Variants in GUCA1C observed in about 807,000 individuals in gnomAD.
GUCA1C encodes guanylate cyclase activator 1C, also known as guanylyl cyclase-activating protein 3.
Under a neutral mutation model 16.2 loss-of-function variants are expected in GUCA1C, and 15 were observed. That is an observed-to-expected ratio of 0.93 (90% CI 0.62 to 1.43). The LOEUF (loss-of-function observed/expected upper bound fraction) is 1.43, where lower values mean the gene tolerates loss of function less well. Ranked by LOEUF, GUCA1C falls within the 40% of genes most tolerant of loss-of-function variation. The pLI is 0.00. For synonymous variants in GUCA1C, 78 were observed against 85.4 expected (o/e 0.91, Z 0.48); for missense variants, 275 against 244.8 (o/e 1.12, Z -0.82).
At chr3:108,954,740 T>C (rs1181054426), upstream of GUCA1C, among the ~76,000 whole-genome samples, 2 of 148,996 alleles carry the variant, frequency 1.3e-5, no homozygotes, top group African/African-American at 2.5e-5. Flanking sequence ...TTCTCCTTTT[T>C]TTTTTTTTTT....
intron 1 of GUCA1C, among the ~76,000 whole-genome samples, chr3:108,934,985 T>G (rs113872281): frequency 0.24 from 36,007 of 151,418 alleles, 4,990 homozygotes; most frequent in East Asian, 0.66. Context: ...GGCTAATTTT[T>G]TGTATTTTTA....
At position 108,953,809 on chromosome 3, in the gene GUCA1C, T is replaced by C; in HGVS notation, c.-47A>G. 7.1e-7 allele frequency: 1 copy of C among 1,415,740 alleles called. No individual in the cohort carries two copies. Among genetic ancestry groups the C allele is most frequent in the South Asian group, 1.2e-5 (1 of 86,822 alleles). 87.7% of individuals were successfully genotyped at this position (1,415,740 alleles called of 1,614,324 possible). A position where few individuals can be genotyped will look rare whatever the true frequency, so the allele number is the denominator to read the frequency against. On this transcript the variant is annotated 5_prime_UTR_variant, in exon 1 of 4. Coordinates refer to ENST00000261047, the MANE Select transcript of GUCA1C (RefSeq NM_005459.4). ...TTTCCTCAGGTTGTTTTCACTTAAG[T>C]TTTTGCTGGATTTAGTCCCTTACTC...
chr3:108,948,031 A>C (rs1946859725), intron 1 of GUCA1C, among the ~76,000 whole-genome samples: 1 of 152,096 alleles, frequency 6.6e-6, no homozygotes, highest in Non-Finnish European at 1.5e-5. Flanking sequence ...GGCTTTCTGC[A>C]TATAGCTGTT....
chr3:108,916,483 T>C (rs763163756), intron 2 of GUCA1C, among the ~76,000 whole-genome samples: 3 of 152,196 alleles, frequency 2.0e-5, no homozygotes, highest in Non-Finnish European at 4.4e-5. Context: ...ACAGATGCAA[T>C]GAGCCCATTG....
At chr3:108,934,893 A>G (rs1946708046) in intron 1 of GUCA1C, among the ~76,000 whole-genome samples, 2 of 132,766 alleles carry the variant, frequency 1.5e-5, no homozygotes, top group South Asian at 4.9e-4. Context: ...AGCTCACTGC[A>G]AGCTCCGCCT....
chr3:108,953,643 A>C lies in GUCA1C; in HGVS notation c.120T>G (p.Phe40Leu), dbSNP rs142726677. 1 of 1,613,008 alleles carries C rather than the reference A, an allele frequency of 6.2e-7. No individual in the cohort carries two copies. The highest frequency in any genetic ancestry group is 1.3e-5 in the African/African-American group (1 of 74,916). The change falls in exon 1 of 4, where the codon TTT becomes TTG. Residue 40 changes from phenylalanine to leucine, a missense_variant. Coordinates refer to ENST00000261047, the MANE Select transcript of GUCA1C (RefSeq NM_005459.4). ...GACCTTGCAGACCCAAAAGTGTCTT[A>C]AATTCATGTAGTGTTTGCAGGCCGG... is the stretch of plus-strand genomic sequence containing the variant. ...YPSGLQTLHE[F>L]KTLLGLQGLN... is the part of the protein sequence containing the mutation.
In GUCA1C at chr3:108,953,747, A is replaced by T. The variant is rs369360639; in HGVS notation, c.16T>A (p.Ser6Thr). MGNGK[S>T]IAGDQKAVPT... ...ACTGCTTTCTGATCACCAGCTATAG[A>T]TTTGCCATTCCCCATCTTGACTCAC... Residue 6 changes from serine to threonine, a missense_variant, in exon 1 of 4, where the codon TCT becomes ACT. Ser to Thr is a moderately conservative substitution (Grantham distance 58, BLOSUM62 1). Coordinates refer to ENST00000261047, the MANE Select transcript of GUCA1C (RefSeq NM_005459.4). 3 of 1,612,372 alleles carry T rather than the reference A, an allele frequency of 1.9e-6. No homozygotes were observed. In the African/African-American group the frequency reaches 4.0e-5, roughly 22 times the overall value.
intron 1 of GUCA1C, among the ~76,000 whole-genome samples, chr3:108,922,842 G>T (rs1946582752): frequency 1.3e-5 from 2 of 151,996 alleles, no homozygotes; most frequent in Admixed American, 1.3e-4. Context: ...CCGCCGACAG[G>T]CCCCTCCCTG....
At chr3:108,929,663 C>G (rs1946650185) in intron 1 of GUCA1C, among the ~76,000 whole-genome samples, 1 of 151,964 alleles carries the variant, frequency 6.6e-6, no homozygotes, top group Admixed American at 6.6e-5. Context: ...GCCAAAGAAA[C>G]AAACATAAAA....
intron 2 of GUCA1C, 42 bp downstream of exon 2, chr3:108,920,394 C>T (rs1946557381): frequency 6.6e-7 from 1 of 1,520,414 alleles, no homozygotes; most frequent in Admixed American, 1.7e-5. Context: ...ATTGGGTTAA[C>T]TATATAGCGG....
intron 3 of GUCA1C, among the ~76,000 whole-genome samples, chr3:108,914,584 C>T (rs1946487722): frequency 6.6e-6 from 1 of 152,132 alleles, no homozygotes; most frequent in South Asian, 2.1e-4. Context: ...CTGTATAAAC[C>T]AAGTCTTAAA....
intron 1 of GUCA1C, among the ~76,000 whole-genome samples, chr3:108,921,799 A>G (rs1946571547): frequency 6.6e-6 from 1 of 151,716 alleles, no homozygotes; most frequent in South Asian, 2.1e-4. Flanking sequence ...TTTTTATTTC[A>G]ATAGGTTTTT....
Position 108,918,666 on chromosome 3 carries a change from G to T in GUCA1C, c.354+1770C>A, listed in dbSNP as rs555269810. ...TTAAGCTGTAACTATCTCCTTTGTA[G>T]AGCCTGCCTATACTGTGGTACTTCC... On this transcript the variant is annotated intron_variant, in intron 2 of 3. Coordinates refer to ENST00000261047, the MANE Select transcript of GUCA1C (RefSeq NM_005459.4). Among the ~76,000 whole-genome samples the T allele has an allele frequency of 8.7e-4, 132 of 152,240 alleles. 1 individual carries two copies. The highest frequency in any genetic ancestry group is 1.8e-3 in the Admixed American group (28 of 15,282).
At chr3:108,946,058 C>T (rs200937615) in intron 1 of GUCA1C, among the ~76,000 whole-genome samples, 289 of 152,274 alleles carry the variant, frequency 1.9e-3, no homozygotes, top group African/African-American at 6.7e-3. Context: ...ATGAAGGATT[C>T]GCCAGCACAC....
At chr3:108,910,911 A>C (rs1334499322) in intron 3 of GUCA1C, among the ~76,000 whole-genome samples, 1 of 152,054 alleles carries the variant, frequency 6.6e-6, no homozygotes, top group Non-Finnish European at 1.5e-5. Context: ...CGGCCCCCCA[A>C]AGTGCTGGGA....
At chr3:108,918,482 G>C (rs1946539046) in intron 2 of GUCA1C, among the ~76,000 whole-genome samples, 1 of 152,150 alleles carries the variant, frequency 6.6e-6, no homozygotes, top group African/African-American at 2.4e-5. Context: ...TCATGACTCA[G>C]ACACTCACTG....
At chr3:108,936,365 T>C (rs1263349181) in intron 1 of GUCA1C, among the ~76,000 whole-genome samples, 1 of 152,214 alleles carries the variant, frequency 6.6e-6, no homozygotes, top group Non-Finnish European at 1.5e-5. Context: ...AAAAAGCCTA[T>C]GTCCTGGACA....
At chr3:108,935,832 C>T (rs556891261) in intron 1 of GUCA1C, among the ~76,000 whole-genome samples, 107 of 152,074 alleles carry the variant, frequency 7.0e-4, no homozygotes, top group African/African-American at 2.4e-3. Context: ...ATAAGGAAAA[C>T]GAGAGCTTGT....
intron 1 of GUCA1C, among the ~76,000 whole-genome samples, chr3:108,947,782 A>G (rs1263063090): frequency 6.6e-6 from 1 of 152,222 alleles, no homozygotes; most frequent in Non-Finnish European, 1.5e-5. Flanking sequence ...CTACTTTTGT[A>G]TGTGGAAAAT....
Sources: allele counts gnomAD v4.1 joint callset (sites outside exome capture counted in the v4.1 genomes callset), GRCh38; gene constraint gnomAD v4.1.1; transcripts MANE v1.5; gene names NCBI Gene and HGNC (gene_info 2026-07-23, HGNC 2026-07-21).